The following ZPBP variants were observed in gnomAD, a reference collection of about 807,000 sequenced individuals.
ZPBP encodes zona pellucida-binding protein 1.
Under a neutral mutation model 44.8 loss-of-function variants are expected in ZPBP, and 26 were observed. That is an observed-to-expected ratio of 0.58 (90% CI 0.43 to 0.81). The LOEUF is 0.81. Ranked by LOEUF, ZPBP falls within the 30% of genes least tolerant of loss-of-function variation. The pLI is 0.00. For missense variants in ZPBP, 409 were observed against 434.0 expected, an observed-to-expected ratio of 0.94 and a Z score of 0.51; for synonymous variants, 174 against 153.2, an observed-to-expected ratio of 1.14 and a Z score of -1.00.
chr7:49,936,052 G>A (rs1202713587), downstream of ZPBP: 1 of 152,166 alleles, frequency 6.6e-6, no homozygotes, highest in East Asian at 1.9e-4. Context: ...GAAAGAACAT[G>A]TATTCTAATC....
intron 7 of ZPBP, among the ~76,000 whole-genome samples, chr7:49,981,779 AT>A (rs1796988999): frequency 1.0e-5 from 1 of 97,358 alleles, no homozygotes; most frequent in Admixed American, 1.8e-4. Context: ...AATTATATGA[AT>A]TATATAGATT....
At chr7:49,956,506 T>C (rs543938481) in intron 7 of ZPBP, among the ~76,000 whole-genome samples, 11 of 152,134 alleles carry the variant, frequency 7.2e-5, no homozygotes, top group Non-Finnish European at 1.6e-4. Flanking sequence ...CAATAAATGA[T>C]TACAAACCAA....
At chr7:49,889,088 A>G (rs1242960929) in intron 2 of ZPBP, among the ~76,000 whole-genome samples, 2 of 152,206 alleles carry the variant, frequency 1.3e-5, no homozygotes, top group Non-Finnish European at 2.9e-5. Context: ...GAGACCAGAT[A>G]TACAGGGAAT....
chr7:49,940,480 G>A (rs914122583), intron 7 of ZPBP, among the ~76,000 whole-genome samples: 1 of 151,898 alleles, frequency 6.6e-6, no homozygotes, highest in Non-Finnish European at 1.5e-5. Context: ...AATCCAGATA[G>A]ACATCAGAAT....
At chr7:49,944,320 G>A in intron 7 of ZPBP, 1 of 256,000 alleles carries the variant, frequency 3.9e-6, no homozygotes. Flanking sequence ...ACATATTCAG[G>A]CCTGAGACTG....
chr7:49,976,636 C>T (rs1157493086), intron 7 of ZPBP, among the ~76,000 whole-genome samples: 1 of 152,044 alleles, frequency 6.6e-6, no homozygotes, highest in African/African-American at 2.4e-5. Context: ...TCTAGTTTTT[C>T]CAGAAAGAGC....
intron 3 of ZPBP, among the ~76,000 whole-genome samples, chr7:50,078,079 G>T (rs575014393): frequency 9.7e-4 from 148 of 151,920 alleles, no homozygotes; most frequent in Admixed American, 2.0e-3. Context: ...ATGAGATCCA[G>T]ACATTTGCAA....
chr7:50,084,374 G>T (rs1802521448), intron 2 of ZPBP, among the ~76,000 whole-genome samples: 1 of 150,296 alleles, frequency 6.7e-6, no homozygotes, highest in Non-Finnish European at 1.5e-5. Context: ...ATACAAAATG[G>T]TATTTATTAC....
At chr7:49,862,450 A>T (rs1790691494) in intron 2 of ZPBP, among the ~76,000 whole-genome samples, 1 of 152,138 alleles carries the variant, frequency 6.6e-6, no homozygotes. Flanking sequence ...TCCAATTTGG[A>T]TGCTTTTATT....
intron 3 of ZPBP, among the ~76,000 whole-genome samples, chr7:50,076,491 A>G (rs1341138372): frequency 3.3e-5 from 5 of 151,996 alleles, no homozygotes; most frequent in Non-Finnish European, 7.4e-5. Flanking sequence ...TTTGCTGGTG[A>G]TATGATCTTA....
chr7:50,031,800 G>A, intron 4 of ZPBP, among the ~76,000 whole-genome samples: 1 of 151,804 alleles, frequency 6.6e-6, no homozygotes, highest in East Asian at 1.9e-4. Flanking sequence ...TAGTTTTATT[G>A]AGTTGAGTAC....
chr7:49,893,542 A>G (rs1792234240), intron 2 of ZPBP, among the ~76,000 whole-genome samples: 1 of 152,190 alleles, frequency 6.6e-6, no homozygotes, highest in Non-Finnish European at 1.5e-5. Flanking sequence ...CTAGGAAAAC[A>G]CACATGTCCA....
At chr7:50,007,884 C>G (rs1000330778) in intron 6 of ZPBP, among the ~76,000 whole-genome samples, 4 of 151,730 alleles carry the variant, frequency 2.6e-5, no homozygotes, top group African/African-American at 9.7e-5. Context: ...ATAATAAAGG[C>G]CATATAACAA....
intron 4 of ZPBP, among the ~76,000 whole-genome samples, chr7:50,033,954 A>AAGTGC (rs570563315): frequency 8.5e-4 from 129 of 152,174 alleles, no homozygotes; most frequent in Middle Eastern, 3.4e-3. Context: ...CGGCCTCCCA[A>AAGTGC]AGTGCTGGGA....
intron 6 of ZPBP, among the ~76,000 whole-genome samples, chr7:49,991,386 G>A (rs532470242): frequency 6.6e-5 from 10 of 152,268 alleles, no homozygotes; most frequent in African/African-American, 2.4e-4. Flanking sequence ...ATATGAGATT[G>A]AGCTAAATTT....
intron 1 of ZPBP, among the ~76,000 whole-genome samples, chr7:49,911,856 C>A (rs1583822581): frequency 6.6e-6 from 1 of 151,868 alleles, no homozygotes; most frequent in Non-Finnish European, 1.5e-5. Context: ...GAGATCGTGC[C>A]ACTGCACTCC....
chr7:49,863,414 G>A (rs567279811), intron 2 of ZPBP, among the ~76,000 whole-genome samples: 9 of 152,134 alleles, frequency 5.9e-5, no homozygotes, highest in Admixed American at 6.6e-5. Flanking sequence ...TGGCTTTGTT[G>A]ATTCTCTCTC....
At position 49,959,165 on chromosome 7, in the gene ZPBP, T is replaced by C. The variant is rs1032583865; in HGVS notation, c.962-21543A>G. 1.3e-4 allele frequency among the ~76,000 whole-genome samples: 20 copies of C among 152,080 alleles called. No homozygotes were observed. In the East Asian group the frequency reaches 2.1e-3, roughly 16 times the overall value. On this transcript the variant is annotated intron_variant, in intron 7 of 7. Transcript: ENST00000046087. ...ACCATACTTAAAAGTGAAAGAGTTA[T>C]TGCTTTTCCTCTAATATTGGGAAAA... is the stretch of plus-strand genomic sequence containing the variant.
intron 6 of ZPBP, among the ~76,000 whole-genome samples, chr7:50,000,276 A>C (rs1798036442): frequency 1.3e-5 from 2 of 152,178 alleles, no homozygotes; most frequent in Non-Finnish European, 2.9e-5. Flanking sequence ...ATGATTTCTC[A>C]TTCCCAAGGA....
Sources: allele counts gnomAD v4.1 joint callset (sites outside exome capture counted in the v4.1 genomes callset), GRCh38; gene constraint gnomAD v4.1.1; transcripts MANE v1.5; gene names NCBI Gene and HGNC (gene_info 2026-07-23, HGNC 2026-07-21).